The following MKS1 variants were observed in gnomAD, a reference collection of about 807,000 sequenced individuals.
MKS1 encodes the protein tectonic-like complex member MKS1.
MKS1 carries 70 observed loss-of-function variants against 83.7 expected under a neutral mutation model. That is an observed-to-expected ratio of 0.84 (90% CI 0.69 to 1.02). The LOEUF is 1.02. MKS1 is among the 50% of genes least tolerant of loss of function. The pLI is 0.00. For missense variants in MKS1, 681 were observed against 726.9 expected (o/e 0.94, Z 0.73); for synonymous variants, 251 against 273.4 (o/e 0.92, Z 0.81).
intron 1 of MKS1, 38 bp from the exon 2 acceptor site, chr17:58,218,767 G>T: frequency 6.6e-7 from 1 of 1,516,506 alleles, no homozygotes; most frequent in Non-Finnish European, 9.2e-7. Context: ...TACCAGACAC[G>T]CAACCAGGAG....
At chr17:58,207,042 C>G in intron 15 of MKS1, 43 bp downstream of exon 15, 1 of 1,613,830 alleles carries the variant, frequency 6.2e-7, no homozygotes, top group South Asian at 1.1e-5. Context: ...AAGGACAGGA[C>G]CATAAGTTCT....
Position 58,207,935 on chromosome 17 carries a change from C to T in MKS1, c.1232G>A (p.Arg411His), listed in dbSNP as rs200679238. ...VLSLDFWQRY[R>H]VEGYGAVVLP... ...CACCACAGCCCCATAGCCTTCCACA[C>T]GGTACCTCTGCCAGAAGTCCAGCGA... The change falls in exon 14 of 18, where the codon CGT becomes CAT. Residue 411 changes from arginine (R) to histidine (H), a missense_variant. By Grantham distance (29) the Arg-to-His change is conservative. Transcript: ENST00000393119. 46 of 1,614,108 alleles carry T rather than the reference C, an allele frequency of 2.8e-5. No individual in the cohort carries two copies. The highest frequency in any genetic ancestry group is 3.3e-4 in the Middle Eastern group (2 of 6,062).
intron 8 of MKS1, 87 bp downstream of exon 8, chr17:58,212,895 G>A: frequency 7.5e-7 from 1 of 1,333,370 alleles, no homozygotes; most frequent in Non-Finnish European, 1.1e-6. Flanking sequence ...CTTTTCCCGA[G>A]CAACTGCTGA....
At chr17:58,208,682 T>C in intron 11 of MKS1, 99 bp from the exon 12 acceptor site, 1 of 1,145,670 alleles carries the variant, frequency 8.7e-7, no homozygotes, top group Non-Finnish European at 1.3e-6. Flanking sequence ...TTTTTTTGTA[T>C]TTATTGATCA....
At position 58,205,466 on chromosome 17, in the gene MKS1, A is replaced by G. The variant is rs1968445863; in HGVS notation, c.*613T>C. 5 of 1,245,728 alleles carry G rather than the reference A, an allele frequency of 4.0e-6. No individual in the cohort carries two copies. In the South Asian group the frequency reaches 7.1e-5, roughly 18 times the overall value. 77.2% of individuals were successfully genotyped at this position (1,245,728 alleles called of 1,614,324 possible). A position where few individuals can be genotyped will look rare whatever the true frequency, so the allele number is the denominator to read the frequency against. Reference sequence around the variant, plus strand: ...TCAAAATAAAAGGGGTTTATGTAACAAAAAACAAAAAAACAAACAAACAAA... The same window carrying G: ...TCAAAATAAAAGGGGTTTATGTAACGAAAAACAAAAAAACAAACAAACAAA... On this transcript the variant is annotated 3_prime_UTR_variant, in exon 18 of 18. Transcript: ENST00000393119.
chr17:58,208,104 C>A lies in MKS1; in HGVS notation c.1165+1G>T. 1 of 1,612,718 alleles carries A rather than the reference C, an allele frequency of 6.2e-7. No homozygotes were observed. On this transcript the variant is annotated splice_donor_variant, in intron 13 of 17. Coordinates refer to ENST00000393119, the MANE Select transcript of MKS1 (RefSeq NM_017777.4). LOFTEE classifies it high-confidence loss of function. ...CCAGGATCAACTGCTGAGCTACTCA[C>A]CAGAAGATTCATCCTCATGGAGGAA... is the stretch of plus-strand genomic sequence containing the variant.
rs562102735 is a variant in MKS1 at position 58,213,277 on chromosome 17, A to T, written c.750-187T>A. Among the ~76,000 whole-genome samples, 3 of 152,250 alleles carry T rather than the reference A, an allele frequency of 2.0e-5. No individual in the cohort carries two copies. In the South Asian group the frequency reaches 6.2e-4, roughly 32 times the overall value. On this transcript the variant is annotated intron_variant, in intron 7 of 17. Coordinates refer to ENST00000393119, the MANE Select transcript of MKS1 (RefSeq NM_017777.4). Reference sequence around the variant, plus strand: ...TAAAGCAGAGAGGGCACCAGACTAGACTCAGAAAGTATAGGTTCTGGGCCC... The same window carrying T: ...TAAAGCAGAGAGGGCACCAGACTAGTCTCAGAAAGTATAGGTTCTGGGCCC...
intron 8 of MKS1, 110 bp downstream of exon 8, chr17:58,212,872 A>G: frequency 1.9e-6 from 2 of 1,064,118 alleles, no homozygotes; most frequent in East Asian, 4.7e-5. Context: ...AGAAGGGGCC[A>G]TGAAGGGCAA....
Position 58,214,836 on chromosome 17 carries a change from G to A in MKS1, c.420C>T (p.His140=). Residue 140 remains histidine (H), a splice_region_variant and synonymous_variant, in exon 5 of 18, where the codon CAC becomes CAT. Coordinates refer to ENST00000393119, the MANE Select transcript of MKS1 (RefSeq NM_017777.4). ...TGGCTGCAGTGGTCATTCTCTGACA[G>A]TGCTGGGAAAAGCAAGCAGCCCTGT... is the stretch of plus-strand genomic sequence containing the variant. ...DSDRYTNLEE[H]CQRMTTAASE... is the part of the protein sequence containing the mutation. 1 of 1,601,400 alleles carries A rather than the reference G, an allele frequency of 6.2e-7. No homozygotes were observed. The highest frequency in any genetic ancestry group is 1.1e-5 in the South Asian group (1 of 90,610).
At chr17:58,218,960 C>A in intron 1 of MKS1, 191 bp downstream of exon 1, 1 of 913,782 alleles carries the variant, frequency 1.1e-6, no homozygotes, top group Non-Finnish European at 1.7e-6. Flanking sequence ...CGTGAATGGA[C>A]TTGGGTAGGT....
rs999753696 is a variant in MKS1 at position 58,219,157 on chromosome 17, C to T, written c.74G>A (p.Arg25His). The change falls in exon 1 of 18, where the codon CGC becomes CAC. Residue 25 changes from arginine (R) to histidine (H), a missense_variant. By Grantham distance (29) the Arg-to-His change is conservative (BLOSUM62 0). Coordinates refer to ENST00000393119, the MANE Select transcript of MKS1 (RefSeq NM_017777.4). ...GCTGGGGCGGTGCGACTACCGGAGG[C>T]GCAAGTTGCGCACGGGGTCCCGGGA... ...YRSRDPVRNL[R>H]LRVHLQRITS... is the part of the protein sequence containing the mutation. 2 of 1,551,186 alleles carry T rather than the reference C, an allele frequency of 1.3e-6. No homozygotes were observed. Among genetic ancestry groups the T allele is most frequent in the South Asian group, 2.4e-5 (2 of 84,060 alleles).
rs889425842 is a variant in MKS1, at chr17:58,205,767, G to A, written c.*312C>T. 3.5e-6 allele frequency: 5 copies of A among 1,414,958 alleles called. No homozygotes were observed. Among genetic ancestry groups the A allele is most frequent in the Non-Finnish European group, 4.7e-6 (5 of 1,062,298 alleles). 87.7% of individuals were successfully genotyped at this position (1,414,958 alleles called of 1,614,324 possible). On this transcript the variant is annotated 3_prime_UTR_variant, in exon 18 of 18. Coordinates refer to ENST00000393119, the MANE Select transcript of MKS1 (RefSeq NM_017777.4). ...CTACTGTGAGACAAGCCAGAAAAGT[G>A]AGTCAAGGCCAGACTCACTATGGGG...
rs1207669104 is a variant in MKS1, at chr17:58,216,099, T to C, written c.406A>G (p.Asn136Asp). 6.2e-7 allele frequency: 1 copy of C among 1,614,148 alleles called. No homozygotes were observed. Among genetic ancestry groups the C allele is most frequent in the Admixed American group, 1.7e-5 (1 of 60,032 alleles). The change falls in exon 4 of 18, where the codon AAT (asparagine) becomes GAT (aspartate). Residue 136 changes from asparagine to aspartate, a missense_variant. By Grantham distance (23) the Asn-to-Asp change is conservative. This residue lies in a region of MKS1 where 365 missense variants were observed against 383.8 expected (regional missense o/e 0.95). Coordinates refer to ENST00000393119, the MANE Select transcript of MKS1 (RefSeq NM_017777.4). ...AGAAAGAACAATACCTCCTCCAAAT[T>C]GGTGTATCTATCAGAGTCAGTGTAG... ...FTYTDSDRYTNLEEHCQRMTT... is the reference protein window; with the variant it reads ...FTYTDSDRYTDLEEHCQRMTT...
rs757310695 is a variant in MKS1, at chr17:58,206,343, G to A, written c.1528C>T (p.Arg510Trp). Reference sequence around the variant, plus strand: ...CCTTCCAGACGGTCCAACACACTCCGCATCCTTTTCTGAAGGGAGCTCGAT... The same window carrying A: ...CCTTCCAGACGGTCCAACACACTCCACATCCTTTTCTGAAGGGAGCTCGAT... ...MESSSLQKRM[R>W]SVLDRLEGFS... Residue 510 changes from arginine to tryptophan, a missense_variant, in exon 17 of 18, where the codon CGG (arginine) becomes TGG (tryptophan). Arg to Trp is a moderately radical substitution (Grantham distance 101, BLOSUM62 -3). This residue lies in a region of MKS1 where 310 missense variants were observed against 321.7 expected (regional missense o/e 0.96). Coordinates refer to ENST00000393119, the MANE Select transcript of MKS1 (RefSeq NM_017777.4). The A allele has an allele frequency of 9.9e-6, 16 of 1,613,904 alleles. No homozygotes were observed. Among genetic ancestry groups the A allele is most frequent in the South Asian group, 3.3e-5 (3 of 91,070 alleles).
At chr17:58,211,210 G>T (rs1837427323) in intron 9 of MKS1, 188 bp from the exon 10 acceptor site, 3 of 618,574 alleles carry the variant, frequency 4.8e-6, no homozygotes, top group South Asian at 1.8e-5. Flanking sequence ...GATTCACAAT[G>T]TAGGGGGAAA....
intron 1 of MKS1, 102 bp from the exon 2 acceptor site, chr17:58,218,831 G>A: frequency 4.7e-6 from 5 of 1,072,744 alleles, no homozygotes; most frequent in African/African-American, 1.6e-5. Context: ...GGGTTGCCAA[G>A]GTGTGCTGGG....
At chr17:58,208,045 C>T (rs1189805519) in intron 13 of MKS1, 44 bp from the exon 14 acceptor site, 3 of 1,609,468 alleles carry the variant, frequency 1.9e-6, no homozygotes, top group Non-Finnish European at 2.6e-6. Flanking sequence ...GCGGCCTTCA[C>T]CAAGAGACAG....
chr17:58,213,983 T>C (rs1969038651), intron 6 of MKS1, 114 bp from the exon 7 acceptor site: 3 of 1,040,664 alleles, frequency 2.9e-6, no homozygotes, highest in Non-Finnish European at 2.9e-6. Flanking sequence ...GCTGTCATGG[T>C]AAAACTTTCT....
chr17:58,218,534 G>C lies in MKS1; in HGVS notation c.190+86C>G. ...AACTCTATAACATATCAGAAGTATA[G>C]TATTTGTTATCTCACTACATTTGGC... On this transcript the variant is annotated intron_variant, in intron 2 of 17. Coordinates refer to ENST00000393119, the MANE Select transcript of MKS1 (RefSeq NM_017777.4). 1.5e-5 allele frequency: 11 copies of C among 745,538 alleles called. No individual in the cohort carries two copies. The South Asian group carries it at 1.5e-4, about 10-fold the overall frequency. The allele number at this position is 745,538 out of a possible 1,614,324, so 46.2% of individuals were successfully genotyped here.
Sources: gnomAD v4.1 joint callset for allele counts (sites outside exome capture counted in the v4.1 genomes callset) on GRCh38, gnomAD v4.1.1 for gene constraint, gnomAD v4.1.1 regional missense constraint, MANE v1.5 for transcripts, NCBI Gene and HGNC (gene_info 2026-07-23, HGNC 2026-07-21) for gene names.